INSR: variants seen among roughly 807,000 people sequenced by gnomAD.
The protein encoded by INSR is insulin receptor.
In INSR, 67 loss-of-function variants were observed where a neutral mutation model predicts 142.6. The ratio of observed to expected loss-of-function variants is 0.47; its 90% CI spans 0.39 to 0.58. The LOEUF is 0.58. Ranked by LOEUF, INSR falls within the 20% of genes least tolerant of loss-of-function variation. INSR has a pLI of 0.00. For missense variants in INSR, 1,248 were observed against 1,833.2 expected, an observed-to-expected ratio of 0.68 and a Z score of 5.83; for synonymous variants, 756 against 743.1, an observed-to-expected ratio of 1.02 and a Z score of -0.28.
chr19:7,122,163 A>T (rs535875416), intron 19 of INSR, among the ~76,000 whole-genome samples: 1 of 149,202 alleles, frequency 6.7e-6, no homozygotes, highest in South Asian at 2.1e-4. Context: ...AAAAAAAAAA[A>T]GCCGGTGCAG....
intron 2 of INSR, among the ~76,000 whole-genome samples, chr19:7,242,075 C>A (rs927010112): frequency 6.6e-6 from 1 of 151,186 alleles, no homozygotes; most frequent in Non-Finnish European, 1.5e-5. Context: ...TTGCTTTGAA[C>A]TCAGGAGGCA....
intron 9 of INSR, among the ~76,000 whole-genome samples, chr19:7,153,445 C>T (rs1306705774): frequency 5.1e-5 from 6 of 117,170 alleles, no homozygotes; most frequent in East Asian, 3.0e-4. Context: ...ATCACACACA[C>T]CACCACACCC....
chr19:7,284,440 T>TG (rs1303380856), intron 1 of INSR, among the ~76,000 whole-genome samples: 1 of 152,112 alleles, frequency 6.6e-6, no homozygotes, highest in Admixed American at 6.6e-5. Context: ...TTCAGCACCC[T>TG]GGGGGGCATT....
At chr19:7,191,716 C>T (rs1974593933) in intron 2 of INSR, among the ~76,000 whole-genome samples, 1 of 152,082 alleles carries the variant, frequency 6.6e-6, no homozygotes, top group African/African-American at 2.4e-5. Context: ...ATAGTCCCAG[C>T]TACTCGGGAG....
At chr19:7,218,692 T>G (rs1309210801) in intron 2 of INSR, among the ~76,000 whole-genome samples, 1 of 152,080 alleles carries the variant, frequency 6.6e-6, no homozygotes, top group Non-Finnish European at 1.5e-5. Context: ...AGGCACCCGC[T>G]GCCACATCTG....
chr19:7,214,988 C>G (rs79328374), intron 2 of INSR, among the ~76,000 whole-genome samples: 9,598 of 151,242 alleles, frequency 0.063, 379 homozygotes, highest in Non-Finnish European at 0.085. Flanking sequence ...TCAGGGTCTG[C>G]TTCTGTTGCC....
chr19:7,141,864 T>C, intron 12 of INSR, 48 bp from the exon 13 acceptor site: 1 of 1,503,882 alleles, frequency 6.6e-7, no homozygotes, highest in Non-Finnish European at 9.2e-7. Flanking sequence ...TTGGATGAGA[T>C]CCCACTTCTG....
rs1975763493 is a variant in INSR at position 7,225,847 on chromosome 19, C to G, written c.653-41210G>C. 6.6e-6 allele frequency among the ~76,000 whole-genome samples: 1 copy of G among 152,222 alleles called. No homozygotes were observed. Among genetic ancestry groups the G allele is most frequent in the South Asian group, 2.1e-4 (1 of 4,834 alleles). ...CTGGAGACATTTGTGTTTGCCATGC[C>G]TCGGGGGCGGCGCTCCAGGCATGGA... On this transcript the variant is annotated intron_variant, in intron 2 of 21. Transcript: ENST00000302850. The surrounding 1 kb of genome is among the most constrained non-coding windows in gnomAD (Gnocchi z 4.7).
chr19:7,118,142 G>C (rs1972382645), intron 21 of INSR, among the ~76,000 whole-genome samples: 1 of 151,304 alleles, frequency 6.6e-6, no homozygotes, highest in African/African-American at 2.4e-5. Context: ...ACTTTGGGAG[G>C]TTGAGCCAGG....
Position 7,114,202 on chromosome 19 carries a change from C to A in INSR, c.*2854G>T, listed in dbSNP as rs1864193. On this transcript the variant is annotated 3_prime_UTR_variant, in exon 22 of 22. Transcript: ENST00000302850. ...GCATCACCAGCCTGAAAGGAGTGGG[C>A]ATAAACCATCAGGGAGCCCAGGGCA... The A allele has an allele frequency of 0.11, 16,888 of 152,176 alleles. 1,142 individuals carry two copies. The highest frequency in any genetic ancestry group is 0.19 in the South Asian group (937 of 4,832). 9.4% of individuals were successfully genotyped at this position (152,176 alleles called of 1,614,324 possible). A position where few individuals can be genotyped will look rare whatever the true frequency, so the allele number is the denominator to read the frequency against.
intron 2 of INSR, among the ~76,000 whole-genome samples, chr19:7,246,023 C>A (rs1034874204): frequency 6.6e-6 from 1 of 152,100 alleles, no homozygotes; most frequent in Admixed American, 6.6e-5. Context: ...CTCAGTCACA[C>A]CATACACAGT....
intron 2 of INSR, among the ~76,000 whole-genome samples, chr19:7,241,993 A>G (rs1186794321): frequency 6.6e-6 from 1 of 152,104 alleles, no homozygotes; most frequent in East Asian, 1.9e-4. Flanking sequence ...CTCTACTAAA[A>G]GTACAAAAAT....
intron 3 of INSR, among the ~76,000 whole-genome samples, chr19:7,177,254 G>A (rs1414335508): frequency 2.0e-5 from 3 of 152,150 alleles, no homozygotes; most frequent in Non-Finnish European, 4.4e-5. Flanking sequence ...AGTGCAGTGA[G>A]GGTTTTGCTA....
At chr19:7,215,129 A>AT (rs925223728) in intron 2 of INSR, among the ~76,000 whole-genome samples, 1 of 151,752 alleles carries the variant, frequency 6.6e-6, no homozygotes, top group African/African-American at 2.4e-5. Flanking sequence ...CTAAATTTTT[A>AT]TTTTTTGTAG....
chr19:7,178,917 G>A (rs1974207490), intron 3 of INSR, among the ~76,000 whole-genome samples: 1 of 152,140 alleles, frequency 6.6e-6, no homozygotes. Context: ...GTATAGCAGG[G>A]TTTTTAAATT....
At chr19:7,288,713 A>G (rs1005232219) in intron 1 of INSR, among the ~76,000 whole-genome samples, 1 of 151,024 alleles carries the variant, frequency 6.6e-6, no homozygotes, top group Admixed American at 6.6e-5. Flanking sequence ...CCGTAATCCC[A>G]GCACTCTGGG....
intron 3 of INSR, among the ~76,000 whole-genome samples, chr19:7,184,072 A>AG (rs1422137659): frequency 1.3e-5 from 2 of 151,184 alleles, no homozygotes; most frequent in East Asian, 3.9e-4. Context: ...AAAAAAAAAA[A>AG]AAAGAATGGT....
At chr19:7,174,970 G>A (rs1974104343) in intron 3 of INSR, among the ~76,000 whole-genome samples, 1 of 152,034 alleles carries the variant, frequency 6.6e-6, no homozygotes, top group South Asian at 2.1e-4. Flanking sequence ...AGCCTCCACA[G>A]TAGCTGGGAT....
At chr19:7,151,127 T>C (rs1016294380) in intron 10 of INSR, among the ~76,000 whole-genome samples, 4 of 147,486 alleles carry the variant, frequency 2.7e-5, no homozygotes, top group Non-Finnish European at 3.0e-5. Context: ...CCTTCCTTTC[T>C]CTGTCCTTTC....
Sources: gnomAD v4.1 joint callset for allele counts (sites outside exome capture counted in the v4.1 genomes callset) on GRCh38, gnomAD v4.1.1 for gene constraint, Gnocchi (gnomAD v3.1) non-coding constraint, MANE v1.5 for transcripts, NCBI Gene and HGNC (gene_info 2026-07-23, HGNC 2026-07-21) for gene names.